Variants in GDPD5 observed in about 807,000 individuals in gnomAD.
The protein encoded by GDPD5 is glycerophosphodiester phosphodiesterase domain containing 5.
A neutral mutation model predicts 75.1 loss-of-function variants in GDPD5; 48 were observed. The observed-to-expected ratio is 0.64, with a 90% CI of 0.51 to 0.81. GDPD5 has a LOEUF of 0.81. GDPD5 is among the 40% of genes least tolerant of loss of function. The pLI is 0.00. For synonymous variants in GDPD5, 336 were observed against 339.0 expected, an observed-to-expected ratio of 0.99 and a Z score of 0.10; for missense variants, 706 against 822.6, an observed-to-expected ratio of 0.86 and a Z score of 1.73.
intron 3 of GDPD5, among the ~76,000 whole-genome samples, chr11:75,471,063 C>A (rs1949651523): frequency 6.6e-6 from 1 of 152,228 alleles, no homozygotes; most frequent in South Asian, 2.1e-4. Flanking sequence ...CTGAAGAGTG[C>A]CTACTCCTGA....
chr11:75,499,634 C>T (rs1046882225), intron 1 of GDPD5, among the ~76,000 whole-genome samples: 5 of 152,102 alleles, frequency 3.3e-5, no homozygotes, highest in Admixed American at 3.3e-4. Context: ...AGGCTTGGCT[C>T]CATGGAGCAG....
chr11:75,453,898 T>C (rs1355841469), intron 6 of GDPD5, among the ~76,000 whole-genome samples: 2 of 152,048 alleles, frequency 1.3e-5, no homozygotes, highest in East Asian at 1.9e-4. Context: ...AAATTAAATG[T>C]TAAAAACGTG....
intron 8 of GDPD5, 56 bp downstream of exon 8, chr11:75,449,461 G>C: frequency 6.7e-7 from 1 of 1,492,242 alleles, no homozygotes; most frequent in Non-Finnish European, 9.1e-7. Context: ...GGCAGCACCA[G>C]CTGGTCTTGG....
rs758134908 is a variant in GDPD5, at chr11:75,456,750, C to T, written c.375+7G>A. On this transcript the variant is annotated splice_region_variant and intron_variant, in intron 6 of 16. Coordinates refer to ENST00000336898, the MANE Select transcript of GDPD5 (RefSeq NM_030792.8). ...TCTCTCCCAGCCCCGGCCGAGGCGGCCCTTACCTTGTGCAGCCAGTGCAGG... is the reference window on the plus strand; with the variant it reads ...TCTCTCCCAGCCCCGGCCGAGGCGGTCCTTACCTTGTGCAGCCAGTGCAGG... 1 of 1,614,166 alleles carries T rather than the reference C, an allele frequency of 6.2e-7. No individual in the cohort carries two copies. The highest frequency in any genetic ancestry group is 2.2e-5 in the East Asian group (1 of 44,884).
At chr11:75,500,494 C>T (rs778549471) in intron 1 of GDPD5, among the ~76,000 whole-genome samples, 21 of 152,186 alleles carry the variant, frequency 1.4e-4, no homozygotes, top group African/African-American at 4.8e-4. Flanking sequence ...CCAGCCCCTT[C>T]GCTGGATCCT....
At chr11:75,462,262 G>A (rs1211616403) in intron 4 of GDPD5, among the ~76,000 whole-genome samples, 1 of 152,212 alleles carries the variant, frequency 6.6e-6, no homozygotes, top group Non-Finnish European at 1.5e-5. Context: ...GGAATGCCCT[G>A]TGTCTCCCCA....
chr11:75,456,053 C>G (rs1340830241), intron 6 of GDPD5, among the ~76,000 whole-genome samples: 1 of 152,112 alleles, frequency 6.6e-6, no homozygotes, highest in Admixed American at 6.5e-5. Flanking sequence ...TGAGGAAGTC[C>G]CGGGAGAGAA....
chr11:75,473,454 T>A (rs1292873863), intron 3 of GDPD5, among the ~76,000 whole-genome samples: 2 of 152,152 alleles, frequency 1.3e-5, no homozygotes, highest in African/African-American at 4.8e-5. Context: ...AGTCCGTTGA[T>A]ACCTTCTAGG....
chr11:75,441,082 C>G, intron 14 of GDPD5, 81 bp downstream of exon 14: 1 of 1,428,328 alleles, frequency 7.0e-7, no homozygotes, highest in Non-Finnish European at 9.8e-7. Flanking sequence ...CAGCTCCAAG[C>G]ACAGAGCTTG....
chr11:75,454,049 C>A (rs1592081301), intron 6 of GDPD5, among the ~76,000 whole-genome samples: 1 of 152,074 alleles, frequency 6.6e-6, no homozygotes, highest in East Asian at 1.9e-4. Flanking sequence ...AAATATATAT[C>A]CCCATGGTAA....
At chr11:75,481,644 T>TA (rs1446178969) in intron 2 of GDPD5, among the ~76,000 whole-genome samples, 1 of 152,002 alleles carries the variant, frequency 6.6e-6, no homozygotes, top group Non-Finnish European at 1.5e-5. Flanking sequence ...CGTGCCCACA[T>TA]AGGCACCCCC....
chr11:75,478,122 CT>C (rs1354773373), intron 2 of GDPD5, among the ~76,000 whole-genome samples: 1 of 152,194 alleles, frequency 6.6e-6, no homozygotes, highest in Admixed American at 6.5e-5. Flanking sequence ...TCTCTTTCCC[CT>C]CCTCTCTTCA....
At chr11:75,438,509 A>G (rs1035479989) in intron 15 of GDPD5, 6 of 152,256 alleles carry the variant, frequency 3.9e-5, no homozygotes, top group Non-Finnish European at 7.3e-5. Context: ...ATCAGCAACC[A>G]GTGTATGTGG....
At chr11:75,442,740 C>T in intron 11 of GDPD5, 159 bp from the exon 12 acceptor site, 1 of 653,700 alleles carries the variant, frequency 1.5e-6, no homozygotes, top group Non-Finnish European at 2.6e-6. Context: ...TAGGAGGCCC[C>T]AGCCCTAACC....
chr11:75,524,489 G>A (rs1026441365), intron 1 of GDPD5, among the ~76,000 whole-genome samples: 1 of 152,226 alleles, frequency 6.6e-6, no homozygotes. Flanking sequence ...CCCTTCGGGT[G>A]GGCCTCAGTG....
chr11:75,466,294 G>A (rs541629608), intron 3 of GDPD5, among the ~76,000 whole-genome samples: 289 of 152,320 alleles, frequency 1.9e-3, no homozygotes, highest in African/African-American at 6.5e-3. Flanking sequence ...CAGCACAGAG[G>A]GAGGCAGGCA....
chr11:75,455,681 G>A (rs527370988), intron 6 of GDPD5, among the ~76,000 whole-genome samples: 38 of 152,176 alleles, frequency 2.5e-4, no homozygotes, highest in Non-Finnish European at 4.3e-4. Context: ...GCAGGCCCAC[G>A]GGGAGCCAGG....
At position 75,449,044 on chromosome 11, in the gene GDPD5, G is replaced by T; in HGVS notation, c.647C>A (p.Pro216His). 1 of 1,608,332 alleles carries T rather than the reference G, an allele frequency of 6.2e-7. No individual in the cohort carries two copies. The change falls in exon 9 of 17, where the codon CCC becomes CAC. Residue 216 changes from proline (P) to histidine (H), a missense_variant. By Grantham distance (77) the Pro-to-His change is moderately conservative. Coordinates refer to ENST00000336898, the MANE Select transcript of GDPD5 (RefSeq NM_030792.8). ...LYLAPLTISSPCIMEKKDLGP... is the reference protein window; with the variant it reads ...LYLAPLTISSHCIMEKKDLGP... Reference sequence around the variant, plus strand: ...GAGGTCTTTCTTCTCCATGATGCAGGGAGAGGAGATGGTGAGAGGGGCCAG... The same window carrying T: ...GAGGTCTTTCTTCTCCATGATGCAGTGAGAGGAGATGGTGAGAGGGGCCAG...
chr11:75,495,171 C>A (rs1950187358), intron 1 of GDPD5, among the ~76,000 whole-genome samples: 1 of 151,382 alleles, frequency 6.6e-6, no homozygotes, highest in South Asian at 2.1e-4. Flanking sequence ...GGAGGCTGAG[C>A]CAGGAGAGTC....
Sources: gnomAD v4.1 joint callset for allele counts (sites outside exome capture counted in the v4.1 genomes callset) on GRCh38, gnomAD v4.1.1 for gene constraint, MANE v1.5 for transcripts, NCBI Gene and HGNC (gene_info 2026-07-23, HGNC 2026-07-21) for gene names.